Variants in LAGE3 observed in about 807,000 individuals in gnomAD.
LAGE3 encodes the protein L antigen family member 3.
LAGE3 carries 2 observed loss-of-function variants against 4.4 expected under a neutral mutation model. That is an observed-to-expected ratio of 0.46 (90% confidence interval 0.19 to 1.44). LAGE3 has a LOEUF of 1.44. Ranked by LOEUF, LAGE3 falls within the 40% of genes most tolerant of loss-of-function variation. The probability of loss-of-function intolerance (pLI) is 0.26; values close to 1 mark genes in which losing one functional copy is unlikely to be tolerated. For synonymous variants in LAGE3, 79 were observed against 60.0 expected (o/e 1.32, Z -1.47); for missense variants, 152 against 138.1 (o/e 1.10, Z -0.51).
chrX:154,477,983 C>A lies in LAGE3; in HGVS notation c.393G>T (p.Val131=). 8.2e-7 allele frequency: 1 copy of A among 1,212,287 alleles called. No individual in the cohort carries two copies. The highest frequency in any genetic ancestry group is 1.7e-5 in the African/African-American group (1 of 57,978). The part of the protein sequence containing the change: ...INFLDQLSLV[V]RTMQRFGPPV... ...GGGGCCCAAAGCGCTGCATGGTCCG[C>A]ACCACCAGGGAAAGCTGGTCAAGAA... Residue 131 remains valine, a synonymous_variant, in exon 3 of 3, where the codon GTG becomes GTT. Transcript: ENST00000357360.
At chrX:154,478,149 G>A in intron 2 of LAGE3, 91 bp from the exon 3 acceptor site, 1 of 1,105,721 alleles carries the variant, frequency 9.0e-7, no homozygotes, top group Non-Finnish European at 1.2e-6. Flanking sequence ...GCAAACCCTT[G>A]GGAGCCCTGC....
chrX:154,479,146 T>C lies in LAGE3; in HGVS notation c.-231A>G, dbSNP rs2069258767. 3.5e-6 allele frequency: 1 copy of C among 287,311 alleles called. No homozygotes were observed. Among genetic ancestry groups the C allele is most frequent in the Non-Finnish European group, 6.1e-6 (1 of 163,785 alleles). 23.7% of individuals were successfully genotyped at this position (287,311 alleles called of 1,213,427 possible). On this transcript the variant is annotated 5_prime_UTR_variant, in exon 1 of 3. Transcript: ENST00000357360. Reference sequence around the variant, plus strand: ...AGAGGCTGCGGTTTCCTCCAGAAACTCTGCCCTTTCGCGCGTAACTCGATT... The same window carrying C: ...AGAGGCTGCGGTTTCCTCCAGAAACCCTGCCCTTTCGCGCGTAACTCGATT...
At position 154,478,945 on chromosome X, in the gene LAGE3, C is replaced by T. The variant is rs1369496372; in HGVS notation, c.-30G>A. 2 of 801,533 alleles carry T rather than the reference C, an allele frequency of 2.5e-6. No homozygotes were observed. Among genetic ancestry groups the T allele is most frequent in the Non-Finnish European group, 3.2e-6 (2 of 617,588 alleles). The allele number at this position is 801,533 out of a possible 1,213,427, so 66.1% of individuals were successfully genotyped here. ...GCCGCCGCGCCGCTCCGACTCCACC[C>T]CCGAAGCGCAGGTCCTACGCCCCGC... is the stretch of plus-strand genomic sequence containing the variant. On this transcript the variant is annotated 5_prime_UTR_variant, in exon 1 of 3. Transcript: ENST00000357360.
intron 1 of LAGE3, 34 bp from the exon 2 acceptor site, chrX:154,478,445 C>T (rs12392443): frequency 1.7e-6 from 2 of 1,161,353 alleles, no homozygotes; most frequent in Admixed American, 5.2e-5. Flanking sequence ...CCATCTGATA[C>T]GATCTTGCCT....
chrX:154,479,040 C>G lies in LAGE3; in HGVS notation c.-125G>C, dbSNP rs782542747. On this transcript the variant is annotated 5_prime_UTR_variant, in exon 1 of 3. Coordinates refer to ENST00000357360, the MANE Select transcript of LAGE3 (RefSeq NM_006014.5). ...TCCGCCCACACGCGCCTGCGCAGGTCCCTGGAGAGCCTGACTGGCGCGTGG... is the reference window on the plus strand; with the variant it reads ...TCCGCCCACACGCGCCTGCGCAGGTGCCTGGAGAGCCTGACTGGCGCGTGG... 4.7e-5 allele frequency: 16 copies of G among 338,363 alleles called. No individual in the cohort carries two copies. The highest frequency in any genetic ancestry group is 3.7e-4 in the African/African-American group (14 of 37,531). 27.9% of individuals were successfully genotyped at this position (338,363 alleles called of 1,213,427 possible).
Position 154,479,158 on chromosome X carries a change from C to T in LAGE3, c.-243G>A, listed in dbSNP as rs868940705. 2 of 284,386 alleles carry T rather than the reference C, an allele frequency of 7.0e-6. No homozygotes were observed. The highest frequency in any genetic ancestry group is 1.2e-5 in the Non-Finnish European group (2 of 161,427). 23.4% of individuals were successfully genotyped at this position (284,386 alleles called of 1,213,427 possible). ...TTCCTCCAGAAACTCTGCCCTTTCG[C>T]GCGTAACTCGATTCCAGAGCGCTGG... On this transcript the variant is annotated 5_prime_UTR_variant, in exon 1 of 3. Transcript: ENST00000357360.
rs782529636 is a variant in LAGE3 at position 154,478,677 on chromosome X, C to G, written c.188+51G>C. The G allele has an allele frequency of 3.1e-5, 32 of 1,031,907 alleles. No individual in the cohort carries two copies. The African/African-American group carries it at 5.7e-4, about 18-fold the overall frequency. The allele number at this position is 1,031,907 out of a possible 1,213,427, so 85.0% of individuals were successfully genotyped here. A position where few individuals can be genotyped will look rare whatever the true frequency, so the allele number is the denominator to read the frequency against. On this transcript the variant is annotated intron_variant, in intron 1 of 2. Coordinates refer to ENST00000357360, the MANE Select transcript of LAGE3 (RefSeq NM_006014.5). ...CCGCCCGCCCTCCTTTCCTTCTCCC[C>G]GAGTCCAGCCCTCGCTCCGCCGCAA...
Position 154,477,869 on chromosome X carries a change from G to T in LAGE3, c.*75C>A. 1.3e-6 allele frequency: 1 copy of T among 786,522 alleles called. No homozygotes were observed. Among genetic ancestry groups the T allele is most frequent in the Non-Finnish European group, 1.9e-6 (1 of 521,402 alleles). 64.8% of individuals were successfully genotyped at this position (786,522 alleles called of 1,213,427 possible). A position where few individuals can be genotyped will look rare whatever the true frequency, so the allele number is the denominator to read the frequency against. On this transcript the variant is annotated 3_prime_UTR_variant, in exon 3 of 3. Transcript: ENST00000357360. ...GAAAGTAGCAACTGTGGGAATTCCT[G>T]CCCTAGGGAAGGATGGACGCACTGC...
Position 154,477,890 on chromosome X carries a change from A to C in LAGE3, c.*54T>G. 1 of 982,013 alleles carries C rather than the reference A, an allele frequency of 1.0e-6. No individual in the cohort carries two copies. The highest frequency in any genetic ancestry group is 2.3e-5 in the Admixed American group (1 of 44,354). The allele number at this position is 982,013 out of a possible 1,213,427, so 80.9% of individuals were successfully genotyped here. A position where few individuals can be genotyped will look rare whatever the true frequency, so the allele number is the denominator to read the frequency against. ...TCCTGCCCTAGGGAAGGATGGACGC[A>C]CTGCCTACAAGGAGACGCAAAGTGG... On this transcript the variant is annotated 3_prime_UTR_variant, in exon 3 of 3. Coordinates refer to ENST00000357360, the MANE Select transcript of LAGE3 (RefSeq NM_006014.5).
In LAGE3 at chrX:154,478,966, C is replaced by T; in HGVS notation, c.-51G>A. 1 of 643,529 alleles carries T rather than the reference C, an allele frequency of 1.6e-6. No homozygotes were observed. The highest frequency in any genetic ancestry group is 2.1e-6 in the Non-Finnish European group (1 of 475,198). The allele number at this position is 643,529 out of a possible 1,213,427, so 53.0% of individuals were successfully genotyped here. On this transcript the variant is annotated 5_prime_UTR_variant, in exon 1 of 3. Coordinates refer to ENST00000357360, the MANE Select transcript of LAGE3 (RefSeq NM_006014.5). ...CACCCCCGAAGCGCAGGTCCTACGC[C>T]CCGCCCTCTCTGTGGCTCCTTCCCG...
chrX:154,478,501 C>T (rs1468101071), intron 1 of LAGE3, 90 bp from the exon 2 acceptor site: 67 of 1,075,944 alleles, frequency 6.2e-5, no homozygotes, highest in Non-Finnish European at 7.6e-5. Context: ...CTCAGGTCAC[C>T]CTGCCTAGTG....
At position 154,478,814 on chromosome X, in the gene LAGE3, G is replaced by A. The variant is rs782373919; in HGVS notation, c.102C>T (p.Ala34=). 1.8e-6 allele frequency: 2 copies of A among 1,121,176 alleles called. No individual in the cohort carries two copies. The highest frequency in any genetic ancestry group is 7.1e-5 in the East Asian group (2 of 27,992). 92.4% of individuals were successfully genotyped at this position (1,121,176 alleles called of 1,213,427 possible). The change falls in exon 1 of 3, where the codon GCC becomes GCT. Residue 34 remains alanine (A), a synonymous_variant. Transcript: ENST00000357360. ...RGGVDTAAAP[A]GGAPPAHAPG... Reference sequence around the variant, plus strand: ...GCGCGTGCGCTGGGGGAGCTCCACCGGCCGGAGCTGCGGCTGTGTCCACGC... The same window carrying A: ...GCGCGTGCGCTGGGGGAGCTCCACCAGCCGGAGCTGCGGCTGTGTCCACGC...
At chrX:154,478,246 G>T (rs373399844) in intron 2 of LAGE3, 37 bp downstream of exon 2, 5 of 1,204,156 alleles carry the variant, frequency 4.2e-6, no homozygotes, top group Non-Finnish European at 5.6e-6. Flanking sequence ...TGTCTCCATG[G>T]GCCGCCTCCC....
Position 154,478,787 on chromosome X carries a change from T to C in LAGE3, c.129A>G (p.Pro43=). Residue 43 remains proline, a synonymous_variant, in exon 1 of 3, where the codon CCA becomes CCG. Transcript: ENST00000357360. ...PAGGAPPAHA[P]GPGRDAASAA... ...CAGACGCGGCGTCTCTGCCCGGACCTGGCGCGTGCGCTGGGGGAGCTCCAC... is the reference window on the plus strand; with the variant it reads ...CAGACGCGGCGTCTCTGCCCGGACCCGGCGCGTGCGCTGGGGGAGCTCCAC... 1 of 1,137,981 alleles carries C rather than the reference T, an allele frequency of 8.8e-7. No individual in the cohort carries two copies. Among genetic ancestry groups the C allele is most frequent in the Non-Finnish European group, 1.2e-6 (1 of 866,817 alleles). 93.8% of individuals were successfully genotyped at this position (1,137,981 alleles called of 1,213,427 possible).
intron 1 of LAGE3, 115 bp from the exon 2 acceptor site, chrX:154,478,526 C>G: frequency 9.9e-7 from 1 of 1,007,514 alleles, no homozygotes; most frequent in Non-Finnish European, 1.3e-6. Context: ...CCCCTTCACT[C>G]CTTACCTCGC....
chrX:154,478,508 A>G, intron 1 of LAGE3, 97 bp from the exon 2 acceptor site: 1 of 1,051,971 alleles, frequency 9.5e-7, no homozygotes, highest in Non-Finnish European at 1.3e-6. Flanking sequence ...CACCCTGCCT[A>G]GTGTCACCCC....
At chrX:154,478,583 C>A in intron 1 of LAGE3, 145 bp downstream of exon 1, 2 of 957,373 alleles carry the variant, frequency 2.1e-6, no homozygotes, top group African/African-American at 2.0e-5. Flanking sequence ...AATGTCTTCC[C>A]CTCCTCCGAC....
intron 2 of LAGE3, 110 bp downstream of exon 2, chrX:154,478,173 C>T: frequency 8.8e-7 from 1 of 1,134,781 alleles, no homozygotes; most frequent in South Asian, 1.9e-5. Flanking sequence ...TACACAGCCC[C>T]TCAGGCAGAG....
At position 154,478,807 on chromosome X, in the gene LAGE3, C is replaced by T. The variant is rs782228821; in HGVS notation, c.109G>A (p.Ala37Thr). 4 of 1,129,845 alleles carry T rather than the reference C, an allele frequency of 3.5e-6. No homozygotes were observed. Among genetic ancestry groups the T allele is most frequent in the Non-Finnish European group, 4.6e-6 (4 of 862,905 alleles). 93.1% of individuals were successfully genotyped at this position (1,129,845 alleles called of 1,213,427 possible). A position where few individuals can be genotyped will look rare whatever the true frequency, so the allele number is the denominator to read the frequency against. Residue 37 changes from alanine to threonine, a missense_variant, in exon 1 of 3, where the codon GCT (alanine) becomes ACT (threonine). Ala to Thr is a moderately conservative substitution (Grantham distance 58, BLOSUM62 0). Coordinates refer to ENST00000357360, the MANE Select transcript of LAGE3 (RefSeq NM_006014.5). Reference protein sequence around the residue: ...VDTAAAPAGGAPPAHAPGPGR... With the variant: ...VDTAAAPAGGTPPAHAPGPGR... ...GGACCTGGCGCGTGCGCTGGGGGAGCTCCACCGGCCGGAGCTGCGGCTGTG... is the reference window on the plus strand; with the variant it reads ...GGACCTGGCGCGTGCGCTGGGGGAGTTCCACCGGCCGGAGCTGCGGCTGTG...
Sources: gnomAD v4.1 joint callset for allele counts on GRCh38, gnomAD v4.1.1 for gene constraint, MANE v1.5 for transcripts, NCBI Gene and HGNC (gene_info 2026-07-23, HGNC 2026-07-21) for gene names.